Variants in ARHGAP18 observed in about 807,000 individuals in gnomAD.
The protein encoded by ARHGAP18 is Rho GTPase activating protein 18.
In ARHGAP18, 67 loss-of-function variants were observed where a neutral mutation model predicts 86.2. The ratio of observed to expected loss-of-function variants is 0.78; its 90% CI spans 0.64 to 0.95. ARHGAP18 has a LOEUF of 0.95. Ranked by LOEUF, ARHGAP18 falls within the 40% of genes least tolerant of loss-of-function variation. The pLI, the probability that ARHGAP18 is intolerant of heterozygous loss-of-function variation, is 0.00. For synonymous variants in ARHGAP18, 283 were observed against 280.4 expected, an observed-to-expected ratio of 1.01 and a Z score of -0.09; for missense variants, 691 against 780.4, an observed-to-expected ratio of 0.89 and a Z score of 1.37.
In ARHGAP18 at chr6:129,578,618, T is replaced by C; in HGVS notation, c.1901-14A>G. The C allele has an allele frequency of 5.0e-6, 8 of 1,599,816 alleles. No individual in the cohort carries two copies. The highest frequency in any genetic ancestry group is 6.0e-6 in the Non-Finnish European group (7 of 1,169,526). ...GGCAGCGTTCCCCTGTTAAAATAGA[T>C]GTTGTGTCAGTTTAATACAGCAGGT... On this transcript the variant is annotated splice_polypyrimidine_tract_variant and intron_variant, in intron 14 of 14. Coordinates refer to ENST00000368149, the MANE Select transcript of ARHGAP18 (RefSeq NM_033515.3).
chr6:129,597,146 G>T (rs1445951837), intron 12 of ARHGAP18, among the ~76,000 whole-genome samples: 2 of 150,382 alleles, frequency 1.3e-5, no homozygotes, highest in African/African-American at 4.9e-5. Context: ...CTATTGATTA[G>T]AATTTTTTTT....
At chr6:129,645,240 A>G (rs1773554599) in intron 1 of ARHGAP18, among the ~76,000 whole-genome samples, 1 of 152,100 alleles carries the variant, frequency 6.6e-6, no homozygotes. Context: ...CTACTTTTGT[A>G]CTTCAGACAG....
intron 1 of ARHGAP18, among the ~76,000 whole-genome samples, chr6:129,689,952 C>T (rs1315873880): frequency 6.6e-6 from 1 of 152,186 alleles, no homozygotes; most frequent in African/African-American, 2.4e-5. Context: ...GTAAACTTGT[C>T]ATCTAATTTC....
At chr6:129,675,395 A>AG (rs1486078957) in intron 1 of ARHGAP18, among the ~76,000 whole-genome samples, 1 of 151,772 alleles carries the variant, frequency 6.6e-6, no homozygotes, top group East Asian at 1.9e-4. Flanking sequence ...AAAAAAAAAA[A>AG]AAAAAAGAGG....
At position 129,672,188 on chromosome 6, in the gene ARHGAP18, C is replaced by T. The variant is rs149733380; in HGVS notation, c.114-30170G>A. Among the ~76,000 whole-genome samples, 439 of 152,256 alleles carry T rather than the reference C, an allele frequency of 2.9e-3. 5 individuals are homozygous for T. Among genetic ancestry groups the T allele is most frequent in the African/African-American group, 8.6e-3 (355 of 41,516 alleles). ...GCAATCATCGCCATTCAAATTTAAC[C>T]GTCTGTGTCCCTCTGACCCCACCCA... On this transcript the variant is annotated intron_variant, in intron 1 of 14. Transcript: ENST00000368149.
chr6:129,697,754 C>T (rs775927912), intron 1 of ARHGAP18, among the ~76,000 whole-genome samples: 7 of 151,954 alleles, frequency 4.6e-5, no homozygotes, highest in Non-Finnish European at 8.8e-5. Context: ...AAATACATCC[C>T]CATTTTCAAT....
rs1433843670 is a variant in ARHGAP18, at chr6:129,641,811, A to G, written c.316+5T>C. 1.2e-6 allele frequency: 2 copies of G among 1,609,766 alleles called. No individual in the cohort carries two copies. Among genetic ancestry groups the G allele is most frequent in the Non-Finnish European group, 1.7e-6 (2 of 1,177,244 alleles). On this transcript the variant is annotated splice_donor_5th_base_variant and intron_variant, in intron 2 of 14. Transcript: ENST00000368149. ...CAACAAAAGCTTTATTTAGTTAGTT[A>G]TTACCATCAGGCTCTTTGACAACAA...
intron 3 of ARHGAP18, among the ~76,000 whole-genome samples, chr6:129,638,008 C>A (rs1200555015): frequency 6.6e-6 from 1 of 152,152 alleles, no homozygotes; most frequent in East Asian, 1.9e-4. Context: ...AGGGAAAAAT[C>A]AAATATTCCT....
chr6:129,646,179 T>A (rs1773575498), intron 1 of ARHGAP18, among the ~76,000 whole-genome samples: 1 of 151,956 alleles, frequency 6.6e-6, no homozygotes, highest in African/African-American at 2.4e-5. Flanking sequence ...GAACTGGGAG[T>A]CTAAGTACCA....
intron 1 of ARHGAP18, among the ~76,000 whole-genome samples, chr6:129,707,894 A>G (rs1314115944): frequency 6.6e-6 from 1 of 152,030 alleles, no homozygotes; most frequent in Non-Finnish European, 1.5e-5. Flanking sequence ...ACCTTGGAGC[A>G]GCTTCCCAGG....
At chr6:129,593,119 G>T (rs1788550500) in intron 12 of ARHGAP18, among the ~76,000 whole-genome samples, 1 of 152,076 alleles carries the variant, frequency 6.6e-6, no homozygotes, top group African/African-American at 2.4e-5. Flanking sequence ...CTGACTCAGT[G>T]GGTCTAGCGA....
intron 1 of ARHGAP18, among the ~76,000 whole-genome samples, chr6:129,703,334 T>A (rs1039989232): frequency 6.6e-6 from 1 of 152,218 alleles, no homozygotes; most frequent in South Asian, 2.1e-4. Flanking sequence ...TCAACACTTG[T>A]AGAAGTATGA....
rs975444990 is a variant in ARHGAP18 at position 129,707,480 on chromosome 6, A to T, written c.113+2544T>A. Among the ~76,000 whole-genome samples, 10 of 151,682 alleles carry T rather than the reference A, an allele frequency of 6.6e-5. No individual in the cohort carries two copies. In the South Asian group the frequency reaches 1.3e-3, roughly 19 times the overall value. ...GCTTTTATTTTTTATTTATTTATTT[A>T]TTTTTTGAGACAGGGTCTCACTCCC... On this transcript the variant is annotated intron_variant, in intron 1 of 14. Transcript: ENST00000368149.
chr6:129,614,984 T>C (rs935785573), intron 7 of ARHGAP18, among the ~76,000 whole-genome samples: 2 of 152,168 alleles, frequency 1.3e-5, no homozygotes, highest in African/African-American at 4.8e-5. Context: ...GCTTCCAGTC[T>C]GCTAGCCTGC....
chr6:129,634,017 A>C lies in ARHGAP18; in HGVS notation c.616+25T>G, dbSNP rs772175648. 25 of 1,580,080 alleles carry C rather than the reference A, an allele frequency of 1.6e-5. No individual in the cohort carries two copies. The South Asian group carries it at 2.5e-4, about 16-fold the overall frequency. ...CTAATTAAAGGGCGGAAAAAAAAAA[A>C]AACAAGAGAACAGGTTCAACATACC... is the stretch of plus-strand genomic sequence containing the variant. On this transcript the variant is annotated intron_variant, in intron 4 of 14. Transcript: ENST00000368149.
chr6:129,595,982 G>A (rs376864686), intron 12 of ARHGAP18, among the ~76,000 whole-genome samples: 22 of 152,160 alleles, frequency 1.4e-4, no homozygotes, highest in South Asian at 2.1e-4. Flanking sequence ...TCCACTTTCC[G>A]ATGCTGATAC....
At chr6:129,636,716 A>C (rs1406022457) in intron 3 of ARHGAP18, among the ~76,000 whole-genome samples, 3 of 152,194 alleles carry the variant, frequency 2.0e-5, no homozygotes, top group Admixed American at 2.0e-4. Flanking sequence ...GTCTCTACTA[A>C]AAGTACAAAA....
rs1018993074 is a variant in ARHGAP18 at position 129,599,415 on chromosome 6, C to T, written c.1573-59G>A. The T allele has an allele frequency of 4.6e-6, 6 of 1,300,934 alleles. No individual in the cohort carries two copies. The African/African-American group carries it at 9.3e-5, about 20-fold the overall frequency. The allele number at this position is 1,300,934 out of a possible 1,614,324, so 80.6% of individuals were successfully genotyped here. A position where few individuals can be genotyped will look rare whatever the true frequency, so the allele number is the denominator to read the frequency against. Reference sequence around the variant, plus strand: ...AAAGAAATGCCACCATTTTAAACTACAAAAAAAAATTATATTTTTTTAAAT... The same window carrying T: ...AAAGAAATGCCACCATTTTAAACTATAAAAAAAAATTATATTTTTTTAAAT... On this transcript the variant is annotated intron_variant, in intron 11 of 14. Coordinates refer to ENST00000368149, the MANE Select transcript of ARHGAP18 (RefSeq NM_033515.3).
Position 129,676,915 on chromosome 6 carries a change from CTTTTTTTT to C in ARHGAP18, c.113+33101_113+33108del, listed in dbSNP as rs10688716. 2.8e-3 allele frequency among the ~76,000 whole-genome samples: 107 copies of C among 37,992 alleles called. 2 individuals carry two copies. The East Asian group carries it at 0.067, about 24-fold the overall frequency. The allele number at this position is 37,992 out of a possible 152,430, so 24.9% of individuals were successfully genotyped here. ...AAACAGATGAAAAATTTTTTGTCCTCTTTTTTTTTTTTTTTTTTTTTTTTTTTTTTTTT... is the reference window on the plus strand; with the variant it reads ...AAACAGATGAAAAATTTTTTGTCCTCTTTTTTTTTTTTTTTTTTTTTTTTT... On this transcript the variant is annotated intron_variant, in intron 1 of 14. Transcript: ENST00000368149.
Sources: gnomAD v4.1 joint callset for allele counts (sites outside exome capture counted in the v4.1 genomes callset) on GRCh38, gnomAD v4.1.1 for gene constraint, MANE v1.5 for transcripts, NCBI Gene and HGNC (gene_info 2026-07-23, HGNC 2026-07-21) for gene names.